Variants in AADACL4 observed in about 807,000 individuals in gnomAD.
AADACL4 encodes the protein arylacetamide deacetylase-like 4.
AADACL4 carries 9 observed loss-of-function variants against 14.1 expected under a neutral mutation model. The ratio of observed to expected loss-of-function variants is 0.64; its 90% CI spans 0.39 to 1.12. The LOEUF is 1.12. Ranked by LOEUF, AADACL4 falls within the 50% of genes most tolerant of loss-of-function variation. AADACL4 has a pLI of 0.01. For missense variants in AADACL4, 531 were observed against 516.1 expected, an observed-to-expected ratio of 1.03 and a Z score of -0.28; for synonymous variants, 188 against 201.6, an observed-to-expected ratio of 0.93 and a Z score of 0.57.
intron 2 of AADACL4, among the ~76,000 whole-genome samples, chr1:12,659,260 G>C (rs1449210332): frequency 6.6e-6 from 1 of 152,196 alleles, no homozygotes; most frequent in Non-Finnish European, 1.5e-5. Flanking sequence ...TCACCTGAGG[G>C]AGCTGGACAC....
chr1:12,650,070 G>A (rs1055293023), intron 1 of AADACL4, among the ~76,000 whole-genome samples: 1 of 152,162 alleles, frequency 6.6e-6, no homozygotes, highest in Non-Finnish European at 1.5e-5. Context: ...AGCCACTTGG[G>A]CCAGTACTGA....
chr1:12,663,238 T>C (rs947808572), intron 3 of AADACL4, among the ~76,000 whole-genome samples: 4 of 152,230 alleles, frequency 2.6e-5, no homozygotes, highest in Non-Finnish European at 5.9e-5. Context: ...TGGGTGAGTT[T>C]CTTAGTTTGG....
chr1:12,650,738 G>A (rs916900167), intron 1 of AADACL4, among the ~76,000 whole-genome samples: 1 of 152,010 alleles, frequency 6.6e-6, no homozygotes, highest in Non-Finnish European at 1.5e-5. Flanking sequence ...TCACCATGTC[G>A]GCCAGAATGG....
chr1:12,666,808 CTATTT>C lies in AADACL4; in HGVS notation c.*78_*82del. On this transcript the variant is annotated 3_prime_UTR_variant, in exon 4 of 4. Coordinates refer to ENST00000376221, the MANE Select transcript of AADACL4 (RefSeq NM_001013630.2). ...CAGAAACCGGGTGCTTTAGTGAGTT[CTATTT>C]TATTGACTAAAGAGGTGCTACATCA... 7.0e-7 allele frequency: 1 copy of C among 1,426,422 alleles called. No homozygotes were observed. The highest frequency in any genetic ancestry group is 9.4e-7 in the Non-Finnish European group (1 of 1,063,122). The allele number at this position is 1,426,422 out of a possible 1,614,324, so 88.4% of individuals were successfully genotyped here. A position where few individuals can be genotyped will look rare whatever the true frequency, so the allele number is the denominator to read the frequency against.
At chr1:12,651,090 T>G in intron 1 of AADACL4, 33 bp from the exon 2 acceptor site, 2 of 1,594,272 alleles carry the variant, frequency 1.3e-6, no homozygotes, top group Middle Eastern at 1.7e-4. Context: ...TAACCTCTCC[T>G]AACGTCTGGC....
chr1:12,648,065 G>T (rs183756722), intron 1 of AADACL4, among the ~76,000 whole-genome samples: 1 of 152,120 alleles, frequency 6.6e-6, no homozygotes, highest in South Asian at 2.1e-4. Context: ...CTGCCTCCCA[G>T]GTTCAAGCGA....
chr1:12,653,680 G>A (rs1647163353), intron 2 of AADACL4, among the ~76,000 whole-genome samples: 1 of 152,184 alleles, frequency 6.6e-6, no homozygotes, highest in African/African-American at 2.4e-5. Context: ...ACCCAGGAAA[G>A]TTCTAAGTTG....
chr1:12,651,398 C>T (rs1189864761), intron 2 of AADACL4, 59 bp downstream of exon 2: 4 of 1,535,470 alleles, frequency 2.6e-6, no homozygotes, highest in Non-Finnish European at 3.6e-6. Flanking sequence ...CATAGCCTAG[C>T]TCATGCCTCC....
Position 12,666,791 on chromosome 1 carries a change from G to T in AADACL4, c.*56G>T. 6.7e-7 allele frequency: 1 copy of T among 1,500,258 alleles called. No homozygotes were observed. The highest frequency in any genetic ancestry group is 1.3e-5 in the South Asian group (1 of 76,308). The allele number at this position is 1,500,258 out of a possible 1,614,324, so 92.9% of individuals were successfully genotyped here. On this transcript the variant is annotated 3_prime_UTR_variant, in exon 4 of 4. Coordinates refer to ENST00000376221, the MANE Select transcript of AADACL4 (RefSeq NM_001013630.2). ...GCAAGTATGGACTCTACCAGAAACCGGGTGCTTTAGTGAGTTCTATTTTAT... is the reference window on the plus strand; with the variant it reads ...GCAAGTATGGACTCTACCAGAAACCTGGTGCTTTAGTGAGTTCTATTTTAT...
chr1:12,656,808 A>G (rs138034536), intron 2 of AADACL4, among the ~76,000 whole-genome samples: 1 of 152,204 alleles, frequency 6.6e-6, no homozygotes, highest in Non-Finnish European at 1.5e-5. Context: ...TACCACCCTC[A>G]TTAGCCTCGT....
intron 1 of AADACL4, 86 bp from the exon 2 acceptor site, chr1:12,651,037 A>G (rs1355132151): frequency 1.5e-5 from 20 of 1,338,400 alleles, no homozygotes; most frequent in Non-Finnish European, 1.7e-5. Flanking sequence ...CTGTGAAAAC[A>G]TCCTAACAAT....
Position 12,661,799 on chromosome 1 carries a change from C to T in AADACL4, c.394C>T (p.His132Tyr). The change falls in exon 3 of 4, where the codon CAT becomes TAT. Residue 132 changes from histidine to tyrosine, a missense_variant. Physicochemically the swap from His to Tyr is moderately conservative, Grantham distance 83 (BLOSUM62 2). Transcript: ENST00000376221. Reference sequence around the variant, plus strand: ...GTGTTTTTGTCTTGCAGATTGTTACCATGGCCTGTGCAATTATCTGGCCCG... The same window carrying T: ...GTGTTTTTGTCTTGCAGATTGTTACTATGGCCTGTGCAATTATCTGGCCCG... ...ATVFGSLDCY[H>Y]GLCNYLARET... 1 of 1,614,080 alleles carries T rather than the reference C, an allele frequency of 6.2e-7. No individual in the cohort carries two copies. The highest frequency in any genetic ancestry group is 8.5e-7 in the Non-Finnish European group (1 of 1,180,010).
At chr1:12,649,156 C>T (rs1647129949) in intron 1 of AADACL4, among the ~76,000 whole-genome samples, 1 of 152,192 alleles carries the variant, frequency 6.6e-6, no homozygotes, top group African/African-American at 2.4e-5. Flanking sequence ...GCACTCCAAC[C>T]TGGGCAACAG....
intron 2 of AADACL4, among the ~76,000 whole-genome samples, chr1:12,657,976 G>T (rs1264474000): frequency 1.3e-5 from 2 of 151,974 alleles, no homozygotes; most frequent in East Asian, 1.9e-4. Context: ...GCCTGGAATT[G>T]TCTTGTCTTG....
chr1:12,664,400 A>G (rs1251784578), intron 3 of AADACL4, among the ~76,000 whole-genome samples: 1 of 145,912 alleles, frequency 6.9e-6, no homozygotes, highest in African/African-American at 2.6e-5. Flanking sequence ...ATGGAGTCTC[A>G]CTCTCTCCCA....
At chr1:12,651,419 C>A in intron 2 of AADACL4, 80 bp downstream of exon 2, 1 of 1,413,080 alleles carries the variant, frequency 7.1e-7, no homozygotes, top group Non-Finnish European at 9.8e-7. Context: ...CGCAAGAACC[C>A]TTCTACAGTA....
chr1:12,654,460 G>A (rs1647168880), intron 2 of AADACL4, among the ~76,000 whole-genome samples: 1 of 152,206 alleles, frequency 6.6e-6, no homozygotes, highest in Non-Finnish European at 1.5e-5. Flanking sequence ...CATACTTGTG[G>A]GTCTACTTGA....
chr1:12,664,201 G>A (rs1647274867), intron 3 of AADACL4, among the ~76,000 whole-genome samples: 1 of 152,028 alleles, frequency 6.6e-6, no homozygotes, highest in Non-Finnish European at 1.5e-5. Context: ...ATACAATGGG[G>A]CTCTCATATA....
Position 12,646,479 on chromosome 1 carries a change from G to A in AADACL4, c.168+1765G>A, listed in dbSNP as rs546948050. The stretch of plus-strand genomic sequence containing the variant: ...GTGCAGTGGCATCAATGCCACTGAC[G>A]CAAGGAGACAGGACAAGGATGTAGA... On this transcript the variant is annotated intron_variant, in intron 1 of 3. Coordinates refer to ENST00000376221, the MANE Select transcript of AADACL4 (RefSeq NM_001013630.2). Among the ~76,000 whole-genome samples, 168 of 152,302 alleles carry A rather than the reference G, an allele frequency of 1.1e-3. 2 individuals carry two copies. Among genetic ancestry groups the A allele is most frequent in the African/African-American group, 3.9e-3 (163 of 41,566 alleles).
Sources: allele counts gnomAD v4.1 joint callset (sites outside exome capture counted in the v4.1 genomes callset), GRCh38; gene constraint gnomAD v4.1.1; transcripts MANE v1.5; gene names NCBI Gene and HGNC (gene_info 2026-07-23, HGNC 2026-07-21).